Variants in ANKRD30A observed in about 807,000 individuals in gnomAD.
ANKRD30A encodes the protein ankyrin repeat domain-containing protein 30A.
Under a neutral mutation model 166.3 loss-of-function variants are expected in ANKRD30A, and 170 were observed. That is an observed-to-expected ratio of 1.02 (90% CI 0.90 to 1.16). The LOEUF is 1.16. Among genes scored for constraint, ANKRD30A ranks in the 50% most tolerant of loss-of-function variants. ANKRD30A has a pLI of 0.00. For missense variants in ANKRD30A, 1,630 were observed against 1,518.0 expected, an observed-to-expected ratio of 1.07 and a Z score of -1.23; for synonymous variants, 564 against 508.9, an observed-to-expected ratio of 1.11 and a Z score of -1.46.
intron 32 of ANKRD30A, 143 bp from the exon 33 acceptor site, chr10:37,217,548 TAATA>T (rs1842665623): frequency 3.9e-6 from 2 of 513,588 alleles, no homozygotes; most frequent in South Asian, 4.2e-5. Flanking sequence ...GAGTTTGGAG[TAATA>T]AATAGCTGAG....
chr10:37,211,154 A>C (rs1222807643), intron 31 of ANKRD30A, among the ~76,000 whole-genome samples: 1 of 150,952 alleles, frequency 6.6e-6, no homozygotes, highest in Non-Finnish European at 1.5e-5. Flanking sequence ...TTTTTTTATT[A>C]TTATACTTTA....
Position 37,125,996 on chromosome 10 carries a change from A to G in ANKRD30A, c.209A>G (p.Asp70Gly). The G allele has an allele frequency of 6.6e-7, 1 of 1,518,966 alleles. No homozygotes were observed. The highest frequency in any genetic ancestry group is 8.9e-7 in the Non-Finnish European group (1 of 1,123,856). The allele number at this position is 1,518,966 out of a possible 1,614,324, so 94.1% of individuals were successfully genotyped here. ...RKKTINLNIQDAQKRTALHWA... is the reference protein window; with the variant it reads ...RKKTINLNIQGAQKRTALHWA... ...AAGACCATCAACCTTAATATACAAG[A>G]CGCCCAGAAGAGGTACCAGGCCCTG... Residue 70 changes from aspartate (D) to glycine (G), a missense_variant, in exon 1 of 36, where the codon GAC becomes GGC. This residue lies in a region of ANKRD30A where 904 missense variants were observed against 818.5 expected (regional missense o/e 1.10). Transcript: ENST00000361713.
chr10:37,138,086 G>A (rs1045182748), intron 6 of ANKRD30A, among the ~76,000 whole-genome samples: 2 of 152,180 alleles, frequency 1.3e-5, no homozygotes, highest in African/African-American at 2.4e-5. Context: ...CCGCTCTTCT[G>A]CAGCCTCCAC....
Position 37,139,541 on chromosome 10 carries a change from T to G in ANKRD30A, c.821-2177T>G, listed in dbSNP as rs566788736. Reference sequence around the variant, plus strand: ...TACTCTACCTTCCTTTGTATCCACTTTAAGCTATTTATGCAAGGTAAGAAT... The same window carrying G: ...TACTCTACCTTCCTTTGTATCCACTGTAAGCTATTTATGCAAGGTAAGAAT... On this transcript the variant is annotated intron_variant, in intron 6 of 35. Coordinates refer to ENST00000361713, the MANE Select transcript of ANKRD30A (RefSeq NM_052997.3). Among the ~76,000 whole-genome samples, 13 of 152,370 alleles carry G rather than the reference T, an allele frequency of 8.5e-5. No individual in the cohort carries two copies. The East Asian group carries it at 2.1e-3, about 25-fold the overall frequency.
intron 3 of ANKRD30A, among the ~76,000 whole-genome samples, chr10:37,131,312 A>G (rs1298133202): frequency 1.3e-5 from 2 of 152,174 alleles, no homozygotes; most frequent in Non-Finnish European, 2.9e-5. Context: ...AGCAATTACA[A>G]TAGAAACCAG....
chr10:37,249,202 A>G, the ANKRD30A span, among the ~76,000 whole-genome samples: 1 of 152,148 alleles, frequency 6.6e-6, no homozygotes, highest in Non-Finnish European at 1.5e-5. Flanking sequence ...AAGGCTTCCT[A>G]GTTATATTCA....
chr10:37,137,981 T>G (rs183258671), intron 6 of ANKRD30A, among the ~76,000 whole-genome samples: 1 of 152,188 alleles, frequency 6.6e-6, no homozygotes, highest in East Asian at 1.9e-4. Context: ...CACCCCCAAG[T>G]AGGGGCAGAC....
At chr10:37,222,637 C>T (rs548528543) in intron 34 of ANKRD30A, among the ~76,000 whole-genome samples, 19 of 151,172 alleles carry the variant, frequency 1.3e-4, no homozygotes, top group Middle Eastern at 3.4e-3. Context: ...TTAATTGGGC[C>T]GATTTCCATA....
At chr10:37,212,509 G>A (rs1179709541) in intron 31 of ANKRD30A, among the ~76,000 whole-genome samples, 1 of 151,862 alleles carries the variant, frequency 6.6e-6, no homozygotes, top group Non-Finnish European at 1.5e-5. Flanking sequence ...CACAGAATTG[G>A]AAAAACTACT....
chr10:37,179,420 C>G (rs1468582671), intron 24 of ANKRD30A, among the ~76,000 whole-genome samples: 3 of 150,788 alleles, frequency 2.0e-5, no homozygotes, highest in Non-Finnish European at 4.5e-5. Context: ...CATCTTCCTG[C>G]ATGAGTGGAT....
At chr10:37,167,609 G>A (rs1223686064) in intron 19 of ANKRD30A, among the ~76,000 whole-genome samples, 1 of 151,670 alleles carries the variant, frequency 6.6e-6, no homozygotes, top group East Asian at 1.9e-4. Context: ...CATCAATATT[G>A]AAAGCTTATT....
intron 5 of ANKRD30A, 76 bp from the exon 6 acceptor site, chr10:37,136,531 T>G (rs1164856666): frequency 1.5e-6 from 1 of 656,724 alleles, no homozygotes; most frequent in Non-Finnish European, 2.6e-6. Context: ...CTCTAAGAAC[T>G]TAATAAATTT....
intron 9 of ANKRD30A, among the ~76,000 whole-genome samples, chr10:37,147,790 G>T (rs1179099937): frequency 2.0e-5 from 3 of 151,282 alleles, no homozygotes; most frequent in Non-Finnish European, 4.4e-5. Context: ...CAAGAAGCAG[G>T]TTTATATAAT....
chr10:37,220,533 T>G (rs1301256800), intron 34 of ANKRD30A, among the ~76,000 whole-genome samples: 1 of 151,270 alleles, frequency 6.6e-6, no homozygotes, highest in Non-Finnish European at 1.5e-5. Flanking sequence ...TAACCTCAAT[T>G]TTTTAAAGGC....
chr10:37,236,094 T>G (rs1335761168), downstream of ANKRD30A, among the ~76,000 whole-genome samples: 1 of 152,140 alleles, frequency 6.6e-6, no homozygotes, highest in Non-Finnish European at 1.5e-5. Flanking sequence ...CAGCCCTTCC[T>G]ATTGTTAACA....
rs202098264 is a variant in ANKRD30A at position 37,141,947 on chromosome 10, C to A, written c.1050C>A (p.Phe350Leu). Residue 350 changes from phenylalanine (F) to leucine (L), a missense_variant, in exon 7 of 36, where the codon TTC (phenylalanine) becomes TTA (leucine). Phe to Leu is a conservative substitution (Grantham distance 22). Around this residue, in one of 4 missense-constraint regions of ANKRD30A, gnomAD observed 904 missense variants for 818.5 expected, o/e 1.10. Transcript: ENST00000361713. ...TGGAGAAAGCGACATCTGGAAAGTT[C>A]GAACAGTCAGCAGAAGAAACACCTA... ...QCLEKATSGK[F>L]EQSAEETPRE... 1.1e-5 allele frequency: 17 copies of A among 1,566,060 alleles called. No individual in the cohort carries two copies. The highest frequency in any genetic ancestry group is 1.9e-4 in the Middle Eastern group (1 of 5,252).
In ANKRD30A at chr10:37,219,000, T is replaced by A; in HGVS notation, c.3288T>A (p.Asn1096Lys). 6.3e-7 allele frequency: 1 copy of A among 1,585,924 alleles called. No homozygotes were observed. Among genetic ancestry groups the A allele is most frequent in the Non-Finnish European group, 8.5e-7 (1 of 1,169,868 alleles). The change falls in exon 34 of 36, where the codon AAT becomes AAA. Residue 1096 changes from asparagine (N) to lysine (K), a missense_variant. This residue lies in a region of ANKRD30A where 712 missense variants were observed against 629.3 expected (regional missense o/e 1.13). Coordinates refer to ENST00000361713, the MANE Select transcript of ANKRD30A (RefSeq NM_052997.3). ...TTTAGGTTTCTCACACTCATGAAAA[T>A]GAAAATTATCTCTTACATGAAAATT... Reference protein sequence around the residue: ...NLNQVSHTHENENYLLHENCM... With the variant: ...NLNQVSHTHEKENYLLHENCM...
chr10:37,133,665 T>C (rs2132513355), intron 4 of ANKRD30A, among the ~76,000 whole-genome samples: 1 of 152,330 alleles, frequency 6.6e-6, no homozygotes, highest in Admixed American at 6.5e-5. Flanking sequence ...TCTTTTAGAT[T>C]AGTGAACAGA....
intron 9 of ANKRD30A, 135 bp from the exon 10 acceptor site, chr10:37,149,516 A>C (rs1837752563): frequency 8.9e-7 from 1 of 1,120,088 alleles, no homozygotes; most frequent in East Asian, 2.4e-5. Context: ...ACAAACCAAA[A>C]GAAAACTTTC....
Sources: gnomAD v4.1 joint callset for allele counts (sites outside exome capture counted in the v4.1 genomes callset) on GRCh38, gnomAD v4.1.1 for gene constraint, gnomAD v4.1.1 regional missense constraint, MANE v1.5 for transcripts, NCBI Gene and HGNC (gene_info 2026-07-23, HGNC 2026-07-21) for gene names.